Variants in ADAM17 observed in about 807,000 individuals in gnomAD.
ADAM17 encodes disintegrin and metalloproteinase domain-containing protein 17.
A neutral mutation model predicts 96.7 loss-of-function variants in ADAM17; 39 were observed. The ratio of observed to expected loss-of-function variants is 0.40; its 90% CI spans 0.31 to 0.53. The LOEUF is 0.53. ADAM17 is among the 20% of genes least tolerant of loss of function. The probability of loss-of-function intolerance (pLI) is 0.44; values close to 1 mark genes in which losing one functional copy is unlikely to be tolerated. For missense variants in ADAM17, 777 were observed against 1,013.2 expected, an observed-to-expected ratio of 0.77 and a Z score of 3.17; for synonymous variants, 344 against 359.2, an observed-to-expected ratio of 0.96 and a Z score of 0.48.
intron 12 of ADAM17, among the ~76,000 whole-genome samples, chr2:9,504,607 C>A (rs1663258797): frequency 6.6e-6 from 1 of 151,152 alleles, no homozygotes. Flanking sequence ...TCTACTAATA[C>A]AAAAAATTAG....
intron 1 of ADAM17, among the ~76,000 whole-genome samples, chr2:9,554,428 A>G (rs1159722992): frequency 2.0e-5 from 3 of 152,128 alleles, no homozygotes; most frequent in Admixed American, 2.0e-4. Context: ...ATCCATTTCA[A>G]TCGGAAAGAA....
chr2:9,526,051 C>T, intron 6 of ADAM17, 60 bp downstream of exon 6: 1 of 1,461,292 alleles, frequency 6.8e-7, no homozygotes, highest in East Asian at 2.3e-5. Context: ...CATTAAGTTT[C>T]ATGGAATGTA....
chr2:9,553,471 C>A (rs1665644924), intron 1 of ADAM17, among the ~76,000 whole-genome samples: 1 of 150,924 alleles, frequency 6.6e-6, no homozygotes, highest in South Asian at 2.1e-4. Flanking sequence ...GTCAGGAGTT[C>A]GAGACCAGCC....
intron 13 of ADAM17, among the ~76,000 whole-genome samples, chr2:9,500,429 T>G (rs1662929970): frequency 6.6e-6 from 1 of 152,206 alleles, no homozygotes; most frequent in Non-Finnish European, 1.5e-5. Context: ...GGATCATAGC[T>G]AAAGGATACA....
At chr2:9,551,746 A>G (rs1211974915) in intron 1 of ADAM17, among the ~76,000 whole-genome samples, 1 of 152,166 alleles carries the variant, frequency 6.6e-6, no homozygotes, top group Non-Finnish European at 1.5e-5. Flanking sequence ...GGCATGAGCC[A>G]CCGCGCCTGG....
At chr2:9,527,527 C>T (rs959674181) in intron 5 of ADAM17, 2 of 255,574 alleles carry the variant, frequency 7.8e-6, no homozygotes, top group Non-Finnish European at 1.5e-5. Context: ...GGAATATTTT[C>T]CCTCAGATCA....
At chr2:9,500,836 C>T (rs1048980263) in intron 13 of ADAM17, among the ~76,000 whole-genome samples, 6 of 152,074 alleles carry the variant, frequency 3.9e-5, no homozygotes, top group African/African-American at 9.7e-5. Context: ...AACAATTGAC[C>T]GAACAAAAGA....
At chr2:9,508,468 G>A (rs572687046) in intron 11 of ADAM17, among the ~76,000 whole-genome samples, 1 of 152,268 alleles carries the variant, frequency 6.6e-6, no homozygotes, top group South Asian at 2.1e-4. Flanking sequence ...TCCATTTCAA[G>A]TATATAACTC....
chr2:9,555,399 C>T, intron 1 of ADAM17, 110 bp downstream of exon 1: 1 of 891,912 alleles, frequency 1.1e-6, no homozygotes. Flanking sequence ...AGGGACGCGC[C>T]ACCATCGCCA....
At chr2:9,533,056 G>A (rs1489196245) in intron 4 of ADAM17, among the ~76,000 whole-genome samples, 1 of 151,948 alleles carries the variant, frequency 6.6e-6, no homozygotes, top group Admixed American at 6.6e-5. Context: ...GGGCATGGTG[G>A]CACACGCCTG....
At chr2:9,516,343 C>T (rs1282614079) in intron 10 of ADAM17, among the ~76,000 whole-genome samples, 1 of 152,200 alleles carries the variant, frequency 6.6e-6, no homozygotes, top group African/African-American at 2.4e-5. Flanking sequence ...CCTGCCTCGG[C>T]CTCCCAAAGT....
rs1237483666 is a variant in ADAM17 at position 9,502,270 on chromosome 2, C to A, written c.1551G>T (p.Arg517Ser). The A allele has an allele frequency of 6.2e-7, 1 of 1,612,916 alleles. No homozygotes were observed. Among genetic ancestry groups the A allele is most frequent in the South Asian group, 1.1e-5 (1 of 91,050 alleles). The change falls in exon 13 of 19, where the codon AGG becomes AGT. Residue 517 changes from arginine (R) to serine (S), a missense_variant. By Grantham distance (110) the Arg-to-Ser change is moderately radical (BLOSUM62 -1). This residue lies in a region of ADAM17 where 446 missense variants were observed against 664.7 expected (regional missense o/e 0.67). Transcript: ENST00000310823. ...TLKEGVQCSD[R>S]NSPCCKNCQF... ...GACAGTTTTTACAGCAAGGACTGTT[C>A]CTGTCACTGGAGAAGAACAGCAGAC...
intron 2 of ADAM17, among the ~76,000 whole-genome samples, chr2:9,542,055 G>T (rs1665226951): frequency 6.6e-6 from 1 of 152,054 alleles, no homozygotes; most frequent in Non-Finnish European, 1.5e-5. Flanking sequence ...AATAAATAAA[G>T]AATAATTCAG....
chr2:9,520,000 T>G (rs557925854), intron 8 of ADAM17, among the ~76,000 whole-genome samples: 2 of 152,354 alleles, frequency 1.3e-5, no homozygotes, highest in African/African-American at 4.8e-5. Flanking sequence ...AGACAAGGTA[T>G]GAATGAGTAC....
chr2:9,493,681 C>A, intron 16 of ADAM17, 66 bp downstream of exon 16: 1 of 1,403,998 alleles, frequency 7.1e-7, no homozygotes, highest in Non-Finnish European at 1.0e-6. Flanking sequence ...TCTGAAAGCA[C>A]ACTTTTCTAA....
chr2:9,509,732 T>G (rs750037543), intron 11 of ADAM17, among the ~76,000 whole-genome samples: 1 of 150,774 alleles, frequency 6.6e-6, no homozygotes, highest in Non-Finnish European at 1.5e-5. Context: ...TTATTATTAG[T>G]AATTTTTCCT....
At chr2:9,522,241 G>GT (rs745732414) in intron 7 of ADAM17, 48 of 394,728 alleles carry the variant, frequency 1.2e-4, no homozygotes, top group Admixed American at 3.9e-4. Context: ...GTGTAAAAGT[G>GT]TACTGCATAG....
At chr2:9,530,936 C>T (rs1465522573) in intron 4 of ADAM17, among the ~76,000 whole-genome samples, 1 of 152,046 alleles carries the variant, frequency 6.6e-6, no homozygotes, top group Non-Finnish European at 1.5e-5. Context: ...ACTTTTTAAT[C>T]TTTCTGTAGA....
At chr2:9,494,203 A>C (rs1662380585) in intron 15 of ADAM17, among the ~76,000 whole-genome samples, 1 of 152,196 alleles carries the variant, frequency 6.6e-6, no homozygotes, top group Non-Finnish European at 1.5e-5. Context: ...TGCATGAGAA[A>C]AATTATGCTT....
Sources: allele counts gnomAD v4.1 joint callset (sites outside exome capture counted in the v4.1 genomes callset), GRCh38; gene constraint gnomAD v4.1.1; regional missense constraint gnomAD v4.1.1; transcripts MANE v1.5; gene names NCBI Gene and HGNC (gene_info 2026-07-23, HGNC 2026-07-21).